The following ACSBG1 variants were observed in gnomAD, a reference collection of about 807,000 sequenced individuals.
ACSBG1 encodes the protein long-chain-fatty-acid--CoA ligase ACSBG1.
In ACSBG1, 39 loss-of-function variants were observed where a neutral mutation model predicts 80.2. The ratio of observed to expected loss-of-function variants is 0.49; its 90% CI spans 0.38 to 0.64. The LOEUF (loss-of-function observed/expected upper bound fraction) is 0.64, where lower values mean the gene tolerates loss of function less well. Ranked by LOEUF, ACSBG1 falls within the 30% of genes least tolerant of loss-of-function variation. The pLI is 0.00. For synonymous variants in ACSBG1, 392 were observed against 379.5 expected (o/e 1.03, Z -0.38); for missense variants, 828 against 966.4 (o/e 0.86, Z 1.90).
At chr15:78,190,063 A>T (rs1337278435) in intron 5 of ACSBG1, among the ~76,000 whole-genome samples, 1 of 152,168 alleles carries the variant, frequency 6.6e-6, no homozygotes, top group African/African-American at 2.4e-5. Context: ...AATGGCAAAA[A>T]TGTGGGTAAA....
At position 78,168,864 on chromosome 15, in the gene ACSBG1, C is replaced by A; in HGVS notation, c.*2580G>T. On this transcript the variant is annotated 3_prime_UTR_variant, in exon 14 of 14. Transcript: ENST00000258873. ...CATCTCACTGAGGGCTTTAAAATCT[C>A]CTTGGTTTAGTTTAGTTTGCGGATA... 1 of 1,143,532 alleles carries A rather than the reference C, an allele frequency of 8.7e-7. No individual in the cohort carries two copies. The highest frequency in any genetic ancestry group is 1.3e-6 in the Non-Finnish European group (1 of 763,244). The allele number at this position is 1,143,532 out of a possible 1,614,324, so 70.8% of individuals were successfully genotyped here.
intron 5 of ACSBG1, among the ~76,000 whole-genome samples, chr15:78,184,247 C>T (rs1595884129): frequency 6.6e-6 from 1 of 152,120 alleles, no homozygotes; most frequent in African/African-American, 2.4e-5. Context: ...GATCATGGCC[C>T]ACTGCAGCCT....
chr15:78,175,969 TA>T (rs896971808), intron 11 of ACSBG1, among the ~76,000 whole-genome samples: 3 of 151,998 alleles, frequency 2.0e-5, no homozygotes, highest in Non-Finnish European at 4.4e-5. Context: ...AGTAAATGAT[TA>T]AAAAAAACCC....
rs749007684 is a variant in ACSBG1, at chr15:78,180,751, G to A, written c.1253+4C>T. 11 of 1,613,410 alleles carry A rather than the reference G, an allele frequency of 6.8e-6. No individual in the cohort carries two copies. In the South Asian group the frequency reaches 7.7e-5, roughly 11 times the overall value. ...CAGGCCTCCCGCCCGTGGGCCCTCT[G>A]TACCTGCCGGGGCAGGTGAGGTTCT... On this transcript the variant is annotated splice_donor_region_variant and intron_variant, in intron 9 of 13. Coordinates refer to ENST00000258873, the MANE Select transcript of ACSBG1 (RefSeq NM_015162.5).
In ACSBG1 at chr15:78,187,229, G is replaced by A. The variant is rs1158821839; in HGVS notation, c.664-4444C>T. Among the ~76,000 whole-genome samples, 11 of 152,080 alleles carry A rather than the reference G, an allele frequency of 7.2e-5. No individual in the cohort carries two copies. The South Asian group carries it at 1.5e-3, about 20-fold the overall frequency. On this transcript the variant is annotated intron_variant, in intron 5 of 13. Coordinates refer to ENST00000258873, the MANE Select transcript of ACSBG1 (RefSeq NM_015162.5). ...TCCAGGACCAGATGGATTCACAGCC[G>A]AATTCTATCAGAGGTACAAGGAGGA...
chr15:78,232,973 G>C (rs1438549107), intron 1 of ACSBG1, among the ~76,000 whole-genome samples: 3 of 152,218 alleles, frequency 2.0e-5, no homozygotes, highest in Non-Finnish European at 4.4e-5. Flanking sequence ...GAGCCATCAT[G>C]CATGGCCTCT....
chr15:78,194,360 A>G (rs894274875), intron 3 of ACSBG1, 146 bp downstream of exon 3: 2 of 746,630 alleles, frequency 2.7e-6, no homozygotes, highest in Non-Finnish European at 4.3e-6. Context: ...AGCATGGAGT[A>G]TCAGCCCCAC....
chr15:78,196,225 T>A (rs764518828), intron 2 of ACSBG1, among the ~76,000 whole-genome samples: 4 of 152,194 alleles, frequency 2.6e-5, no homozygotes, highest in Non-Finnish European at 5.9e-5. Context: ...CAAGGGCCAC[T>A]AGGCCCCGTC....
At chr15:78,184,054 C>T (rs1046820538) in intron 5 of ACSBG1, among the ~76,000 whole-genome samples, 1 of 152,148 alleles carries the variant, frequency 6.6e-6, no homozygotes, top group Non-Finnish European at 1.5e-5. Flanking sequence ...TAACCACACA[C>T]ACACAGAATT....
rs147846122 is a variant in ACSBG1 at position 78,180,919 on chromosome 15, C to G, written c.1089G>C (p.Thr363=). The change falls in exon 9 of 14, where the codon ACG becomes ACC. Residue 363 remains threonine, a synonymous_variant. Transcript: ENST00000258873. ...PDALKGSLVN[T]LREVEPTSHM... ...GTGATGTGGGCTCCACCTCCCGCAGCGTGTTCACCAGGCTCCCCTGTTCAC... is the reference window on the plus strand; with the variant it reads ...GTGATGTGGGCTCCACCTCCCGCAGGGTGTTCACCAGGCTCCCCTGTTCAC... The G allele has an allele frequency of 6.2e-7, 1 of 1,613,932 alleles. No homozygotes were observed. The highest frequency in any genetic ancestry group is 1.3e-5 in the African/African-American group (1 of 74,944).
intron 2 of ACSBG1, among the ~76,000 whole-genome samples, chr15:78,203,846 G>A (rs1041960911): frequency 6.6e-6 from 1 of 152,162 alleles, no homozygotes; most frequent in African/African-American, 2.4e-5. Flanking sequence ...CTCCGAGAAC[G>A]GTCCTGCAGG....
At chr15:78,208,264 G>A (rs1216631930) in intron 1 of ACSBG1, among the ~76,000 whole-genome samples, 162 bp from the exon 2 acceptor site, 1 of 152,132 alleles carries the variant, frequency 6.6e-6, no homozygotes, top group African/African-American at 2.4e-5. Context: ...AACCCAGTGG[G>A]AGTCAGGGGA....
chr15:78,181,877 GCACA>G, intron 8 of ACSBG1, 88 bp downstream of exon 8: 1 of 1,468,370 alleles, frequency 6.8e-7, no homozygotes, highest in South Asian at 1.3e-5. Flanking sequence ...CACAGGAACA[GCACA>G]CACACAAATG....
At chr15:78,215,949 T>C (rs989070621) in intron 1 of ACSBG1, among the ~76,000 whole-genome samples, 1 of 152,194 alleles carries the variant, frequency 6.6e-6, no homozygotes, top group Admixed American at 6.5e-5. Context: ...GAGCCGCCTA[T>C]GACACTTTTC....
At chr15:78,193,680 C>A in intron 4 of ACSBG1, 54 bp from the exon 5 acceptor site, 2 of 1,570,696 alleles carry the variant, frequency 1.3e-6, no homozygotes, top group African/African-American at 1.4e-5. Flanking sequence ...GGGCCACCCC[C>A]TTCCCCCACC....
Position 78,168,195 on chromosome 15 carries a change from G to T in ACSBG1, c.*3249C>A, listed in dbSNP as rs1351129179. 1 of 151,938 alleles carries T rather than the reference G, an allele frequency of 6.6e-6. No homozygotes were observed. Among genetic ancestry groups the T allele is most frequent in the African/African-American group, 2.4e-5 (1 of 41,312 alleles). 9.4% of individuals were successfully genotyped at this position (151,938 alleles called of 1,614,324 possible). A position where few individuals can be genotyped will look rare whatever the true frequency, so the allele number is the denominator to read the frequency against. Reference sequence around the variant, plus strand: ...TAGTTGCAGCTATAGGCTGAGGCAGGAGGATCACCTTAGCCTCTGAGTTCA... The same window carrying T: ...TAGTTGCAGCTATAGGCTGAGGCAGTAGGATCACCTTAGCCTCTGAGTTCA... On this transcript the variant is annotated 3_prime_UTR_variant, in exon 14 of 14. Coordinates refer to ENST00000258873, the MANE Select transcript of ACSBG1 (RefSeq NM_015162.5).
intron 2 of ACSBG1, among the ~76,000 whole-genome samples, chr15:78,201,456 C>T (rs1265863122): frequency 1.3e-5 from 2 of 152,268 alleles, no homozygotes; most frequent in African/African-American, 4.8e-5. Context: ...ACGCCAGCCT[C>T]CTTTCCCATC....
In ACSBG1 at chr15:78,194,735, T is replaced by G. The variant is rs1307153393; in HGVS notation, c.233-9A>C. ...CGTCCACAGCGCCTCCTCTGTGGGG[T>G]GGGGGAGACCACAGCTTGGATCATG... is the stretch of plus-strand genomic sequence containing the variant. On this transcript the variant is annotated splice_polypyrimidine_tract_variant and intron_variant, in intron 2 of 13. Coordinates refer to ENST00000258873, the MANE Select transcript of ACSBG1 (RefSeq NM_015162.5). 1.9e-6 allele frequency: 3 copies of G among 1,610,228 alleles called. No homozygotes were observed. Among genetic ancestry groups the G allele is most frequent in the Non-Finnish European group, 2.5e-6 (3 of 1,179,376 alleles).
intron 1 of ACSBG1, chr15:78,226,643 T>C: frequency 5.0e-6 from 1 of 199,006 alleles, no homozygotes; most frequent in Non-Finnish European, 1.0e-5. Context: ...AGCTATAGAA[T>C]GAAGACAGCA....
Sources: gnomAD v4.1 joint callset for allele counts (sites outside exome capture counted in the v4.1 genomes callset) on GRCh38, gnomAD v4.1.1 for gene constraint, MANE v1.5 for transcripts, NCBI Gene and HGNC (gene_info 2026-07-23, HGNC 2026-07-21) for gene names.